Variants in FBXL7 observed in about 807,000 individuals in gnomAD.
The protein encoded by FBXL7 is F-box and leucine rich repeat protein 7.
A neutral mutation model predicts 38.3 loss-of-function variants in FBXL7; 12 were observed. That is an observed-to-expected ratio of 0.31 (90% confidence interval 0.20 to 0.51). The LOEUF is 0.51. Ranked by LOEUF, FBXL7 falls within the 20% of genes least tolerant of loss-of-function variation. The pLI is 0.98. For missense variants in FBXL7, 567 were observed against 676.4 expected (o/e 0.84, Z 1.79); for synonymous variants, 297 against 300.9 (o/e 0.99, Z 0.13).
chr5:15,735,160 T>C (rs1735713339), intron 2 of FBXL7, among the ~76,000 whole-genome samples: 1 of 152,224 alleles, frequency 6.6e-6, no homozygotes, highest in South Asian at 2.1e-4. Flanking sequence ...CTTGAACTCC[T>C]GACCTCAGGT....
intron 2 of FBXL7, among the ~76,000 whole-genome samples, chr5:15,853,008 A>G (rs1291418745): frequency 6.6e-6 from 1 of 152,190 alleles, no homozygotes; most frequent in Non-Finnish European, 1.5e-5. Flanking sequence ...CTTTAGATAT[A>G]TTGATTTATT....
intron 2 of FBXL7, among the ~76,000 whole-genome samples, chr5:15,785,874 A>C (rs2126725937): frequency 6.6e-6 from 1 of 152,366 alleles, no homozygotes; most frequent in South Asian, 2.1e-4. Context: ...AACACAGTGA[A>C]ATCCCCGGCT....
At chr5:15,695,022 G>C (rs1438236513) in intron 2 of FBXL7, among the ~76,000 whole-genome samples, 1 of 152,158 alleles carries the variant, frequency 6.6e-6, no homozygotes, top group Non-Finnish European at 1.5e-5. Context: ...CAACAGACCT[G>C]CTCAAAAATA....
intron 2 of FBXL7, among the ~76,000 whole-genome samples, chr5:15,802,071 T>C (rs1737584605): frequency 6.6e-6 from 1 of 152,096 alleles, no homozygotes; most frequent in African/African-American, 2.4e-5. Flanking sequence ...ATTCTCACCT[T>C]TTCCTCACAC....
chr5:15,784,774 C>T (rs1737089682), intron 2 of FBXL7, among the ~76,000 whole-genome samples: 1 of 152,122 alleles, frequency 6.6e-6, no homozygotes, highest in African/African-American at 2.4e-5. Context: ...GATGCTGGCA[C>T]CATGCTTGTA....
intron 3 of FBXL7, among the ~76,000 whole-genome samples, chr5:15,930,088 C>CGA (rs1741999792): frequency 6.6e-6 from 1 of 152,186 alleles, no homozygotes; most frequent in Non-Finnish European, 1.5e-5. Flanking sequence ...GAGAGCAGCT[C>CGA]GCTGCTCCTC....
intron 2 of FBXL7, among the ~76,000 whole-genome samples, chr5:15,792,294 T>G (rs895454550): frequency 6.6e-6 from 1 of 152,198 alleles, no homozygotes; most frequent in African/African-American, 2.4e-5. Flanking sequence ...TTCACATTAC[T>G]TGTCCTTTCT....
intron 1 of FBXL7, among the ~76,000 whole-genome samples, chr5:15,589,863 G>T (rs1186450292): frequency 6.6e-6 from 1 of 152,246 alleles, no homozygotes; most frequent in Non-Finnish European, 1.5e-5. Flanking sequence ...TCAGGCAGTG[G>T]CTGTGGAACA....
chr5:15,766,736 TGTCTC>T (rs1736601399), intron 2 of FBXL7, among the ~76,000 whole-genome samples: 2 of 152,248 alleles, frequency 1.3e-5, no homozygotes, highest in Admixed American at 1.3e-4. Context: ...CTACTTATTT[TGTCTC>T]AGATTTGATT....
At chr5:15,850,353 C>A (rs964977193) in intron 2 of FBXL7, among the ~76,000 whole-genome samples, 2 of 152,156 alleles carry the variant, frequency 1.3e-5, no homozygotes, top group African/African-American at 4.8e-5. Flanking sequence ...CCCAGTTGGG[C>A]TCTAAGAGCT....
chr5:15,548,299 C>T (rs1271974932), intron 1 of FBXL7, among the ~76,000 whole-genome samples: 1 of 152,170 alleles, frequency 6.6e-6, no homozygotes, highest in African/African-American at 2.4e-5. Context: ...CCAAGGTAAA[C>T]TCCTTTGAAG....
chr5:15,857,609 A>T (rs1251046385), intron 2 of FBXL7, among the ~76,000 whole-genome samples: 1 of 152,230 alleles, frequency 6.6e-6, no homozygotes, highest in Non-Finnish European at 1.5e-5. Flanking sequence ...CATGAGCATA[A>T]GAGAGCCGTA....
intron 2 of FBXL7, among the ~76,000 whole-genome samples, chr5:15,835,279 G>T (rs1738563735): frequency 6.6e-6 from 1 of 152,120 alleles, no homozygotes; most frequent in African/African-American, 2.4e-5. Context: ...ATTTCTTATG[G>T]CATTTTTCTT....
At chr5:15,783,279 G>C (rs1238272064) in intron 2 of FBXL7, among the ~76,000 whole-genome samples, 1 of 152,184 alleles carries the variant, frequency 6.6e-6, no homozygotes, top group Non-Finnish European at 1.5e-5. Context: ...ATAATTTCCG[G>C]CAAGTGCACT....
chr5:15,603,358 G>A (rs1217302581), intron 1 of FBXL7, among the ~76,000 whole-genome samples: 1 of 152,264 alleles, frequency 6.6e-6, no homozygotes, highest in South Asian at 2.1e-4. Flanking sequence ...CAATTTACTT[G>A]CAATTTACTT....
intron 1 of FBXL7, among the ~76,000 whole-genome samples, chr5:15,530,573 T>G (rs1441535867): frequency 6.6e-6 from 1 of 152,188 alleles, no homozygotes; most frequent in South Asian, 2.1e-4. Flanking sequence ...TAATGTTTGG[T>G]GATTCACTAG....
intron 2 of FBXL7, among the ~76,000 whole-genome samples, chr5:15,787,445 T>G (rs1737160959): frequency 6.6e-6 from 1 of 151,846 alleles, no homozygotes; most frequent in Non-Finnish European, 1.5e-5. Context: ...CAGGAGGAGA[T>G]TTCAGGGAGG....
chr5:15,640,256 C>T (rs1741315105), intron 2 of FBXL7, among the ~76,000 whole-genome samples: 1 of 152,102 alleles, frequency 6.6e-6, no homozygotes, highest in African/African-American at 2.4e-5. Flanking sequence ...AGGGTCCTTT[C>T]TTGCGTTTCT....
intron 2 of FBXL7, among the ~76,000 whole-genome samples, chr5:15,762,467 C>A (rs984704356): frequency 1.3e-5 from 2 of 152,142 alleles, no homozygotes; most frequent in Non-Finnish European, 2.9e-5. Flanking sequence ...TCTTAATGAG[C>A]AGTTCCAGTC....
Sources: gnomAD v4.1 joint callset for allele counts (sites outside exome capture counted in the v4.1 genomes callset) on GRCh38, gnomAD v4.1.1 for gene constraint, MANE v1.5 for transcripts, NCBI Gene and HGNC (gene_info 2026-07-23, HGNC 2026-07-21) for gene names.